The following SMYD3 variants were observed in gnomAD, a reference collection of about 807,000 sequenced individuals.
SMYD3 encodes the protein SET and MYND domain containing 3.
SMYD3 carries 36 observed loss-of-function variants against 57.7 expected under a neutral mutation model. That is an observed-to-expected ratio of 0.62 (90% CI 0.48 to 0.82). SMYD3 has a LOEUF of 0.82. SMYD3 is among the 40% of genes least tolerant of loss of function. SMYD3 has a pLI of 0.00. For missense variants in SMYD3, 515 were observed against 538.8 expected (o/e 0.96, Z 0.44); for synonymous variants, 211 against 195.0 (o/e 1.08, Z -0.68).
At chr1:246,327,004 C>T (rs145366908) in intron 5 of SMYD3, 197 bp downstream of exon 5, 2 of 601,638 alleles carry the variant, frequency 3.3e-6, no homozygotes, top group African/African-American at 1.9e-5. Context: ...GAATATTAAT[C>T]AAACAGAAAA....
rs377604263 is a variant in SMYD3, at chr1:245,996,790, ACACAGAAAGTT to A, written c.532-66864_532-66854del. 2.2e-3 allele frequency among the ~76,000 whole-genome samples: 340 copies of A among 152,318 alleles called. 2 individuals carry two copies. The East Asian group carries it at 0.025, about 11-fold the overall frequency. On this transcript the variant is annotated intron_variant, in intron 5 of 11. Transcript: ENST00000490107. ...ATCCAAACTAGGGACACCTACAGAA[ACACAGAAAGTT>A]CAAAGCCTATGGGAGGGGAACGTGG...
chr1:246,014,832 C>T (rs2059349817), intron 5 of SMYD3, among the ~76,000 whole-genome samples: 1 of 152,022 alleles, frequency 6.6e-6, no homozygotes, highest in Non-Finnish European at 1.5e-5. Flanking sequence ...GTCTCTCAAT[C>T]TTCTCTCTCT....
intron 10 of SMYD3, among the ~76,000 whole-genome samples, chr1:245,828,789 G>C (rs933051457): frequency 6.6e-6 from 1 of 151,106 alleles, no homozygotes; most frequent in African/African-American, 2.4e-5. Context: ...TGCAACCTCC[G>C]CTTCCCGGGT....
chr1:246,406,781 A>G (rs1489156250), intron 1 of SMYD3, among the ~76,000 whole-genome samples: 2 of 152,240 alleles, frequency 1.3e-5, no homozygotes, highest in Non-Finnish European at 2.9e-5. Context: ...AGCAGGCAGT[A>G]TGGATGAAGA....
chr1:245,995,288 G>C (rs1389613570), intron 5 of SMYD3, among the ~76,000 whole-genome samples: 2 of 152,068 alleles, frequency 1.3e-5, no homozygotes, highest in East Asian at 1.9e-4. Flanking sequence ...GGAAGTCATG[G>C]GACTAGAGTA....
At chr1:246,375,048 G>A (rs544976195) in intron 1 of SMYD3, among the ~76,000 whole-genome samples, 13 of 152,206 alleles carry the variant, frequency 8.5e-5, no homozygotes, top group East Asian at 7.7e-4. Flanking sequence ...AGCCGAGATC[G>A]CGCTGTTGCA....
intron 5 of SMYD3, among the ~76,000 whole-genome samples, chr1:246,263,450 G>C (rs941587042): frequency 2.0e-5 from 3 of 152,174 alleles, no homozygotes; most frequent in Non-Finnish European, 4.4e-5. Context: ...TGGTAGGCAT[G>C]AGGTGGAGCA....
intron 5 of SMYD3, among the ~76,000 whole-genome samples, chr1:245,972,293 A>G (rs562188220): frequency 6.6e-6 from 1 of 152,322 alleles, no homozygotes; most frequent in Non-Finnish European, 1.5e-5. Context: ...AGCCATAAGC[A>G]AGTTAACATA....
intron 5 of SMYD3, among the ~76,000 whole-genome samples, chr1:246,158,704 A>C (rs2062065140): frequency 6.6e-6 from 1 of 152,218 alleles, no homozygotes; most frequent in South Asian, 2.1e-4. Flanking sequence ...ATATATAAAT[A>C]TAAAGGGATA....
chr1:246,357,960 C>T (rs1471302252), intron 1 of SMYD3, among the ~76,000 whole-genome samples: 2 of 152,124 alleles, frequency 1.3e-5, no homozygotes, highest in Admixed American at 1.3e-4. Flanking sequence ...TAGTACCTCA[C>T]ATCTCAATAC....
chr1:246,115,289 C>G (rs6426275), intron 5 of SMYD3, among the ~76,000 whole-genome samples: 125,861 of 152,102 alleles, frequency 0.83, 52,282 homozygotes, highest in Admixed American at 0.88. Flanking sequence ...ACCACGAATA[C>G]TGCCTGCTCC....
intron 1 of SMYD3, among the ~76,000 whole-genome samples, chr1:246,442,951 C>A (rs764453729): frequency 6.6e-5 from 10 of 152,330 alleles, no homozygotes; most frequent in Non-Finnish European, 1.3e-4. Flanking sequence ...TCTTGCCTAG[C>A]AACTTCCCTT....
chr1:245,933,511 A>C (rs1209588485), intron 5 of SMYD3, among the ~76,000 whole-genome samples: 1 of 152,208 alleles, frequency 6.6e-6, no homozygotes, highest in Non-Finnish European at 1.5e-5. Context: ...AGATGACAAA[A>C]ATCTAGTGAG....
At chr1:246,443,067 A>G (rs943077174) in intron 1 of SMYD3, among the ~76,000 whole-genome samples, 3 of 152,126 alleles carry the variant, frequency 2.0e-5, no homozygotes, top group Non-Finnish European at 4.4e-5. Context: ...TGGATTTTGT[A>G]TATTCCTTCC....
intron 5 of SMYD3, among the ~76,000 whole-genome samples, chr1:246,046,598 CA>C (rs2148311845): frequency 6.7e-6 from 1 of 149,890 alleles, no homozygotes; most frequent in African/African-American, 2.4e-5. Flanking sequence ...ACGTTGTGTG[CA>C]GGTACCTTAG....
At chr1:246,228,615 T>G (rs2063365559) in intron 5 of SMYD3, among the ~76,000 whole-genome samples, 1 of 152,228 alleles carries the variant, frequency 6.6e-6, no homozygotes, top group Admixed American at 6.5e-5. Flanking sequence ...AACTTTTTAG[T>G]ATCTATTAAT....
intron 5 of SMYD3, among the ~76,000 whole-genome samples, chr1:246,189,741 T>C (rs775914356): frequency 1.5e-4 from 23 of 152,198 alleles, no homozygotes; most frequent in Admixed American, 3.9e-4. Flanking sequence ...TTTATTTATG[T>C]ACGTATCATG....
At chr1:246,313,528 C>T (rs2065112418) in intron 5 of SMYD3, among the ~76,000 whole-genome samples, 1 of 152,176 alleles carries the variant, frequency 6.6e-6, no homozygotes, top group South Asian at 2.1e-4. Context: ...AATTAAACAG[C>T]TCTGCATAAA....
chr1:246,440,178 C>G (rs1441001268), intron 1 of SMYD3, among the ~76,000 whole-genome samples: 1 of 152,028 alleles, frequency 6.6e-6, no homozygotes, highest in African/African-American at 2.4e-5. Flanking sequence ...AAGACAACCA[C>G]TATTAAACCA....
Sources: allele counts gnomAD v4.1 joint callset (sites outside exome capture counted in the v4.1 genomes callset), GRCh38; gene constraint gnomAD v4.1.1; transcripts MANE v1.5; gene names NCBI Gene and HGNC (gene_info 2026-07-23, HGNC 2026-07-21).